The following SORCS1 variants were observed in gnomAD, a reference collection of about 807,000 sequenced individuals.
SORCS1 encodes sortilin related VPS10 domain containing receptor 1.
Under a neutral mutation model 146.1 loss-of-function variants are expected in SORCS1, and 60 were observed. That is an observed-to-expected ratio of 0.41 (90% CI 0.33 to 0.51). The LOEUF is 0.51. Ranked by LOEUF, SORCS1 falls within the 20% of genes least tolerant of loss-of-function variation. The pLI is 0.21. For synonymous variants in SORCS1, 637 were observed against 584.0 expected (o/e 1.09, Z -1.31); for missense variants, 1,352 against 1,487.6 (o/e 0.91, Z 1.50).
rs752000193 is a variant in SORCS1, at chr10:106,667,742, T to C, written c.2250A>G (p.Pro750=). 3.1e-5 allele frequency: 50 copies of C among 1,613,998 alleles called. No homozygotes were observed. Among genetic ancestry groups the C allele is most frequent in the Non-Finnish European group, 4.0e-5 (47 of 1,180,012 alleles). ...GQCLPAFWFN[P]SSLSKDCSLG... Reference sequence around the variant, plus strand: ...AGCTGCAATCCTTTGACAGAGAGGATGGATTGAACCAAAATGCCGGCAGGC... The same window carrying C: ...AGCTGCAATCCTTTGACAGAGAGGACGGATTGAACCAAAATGCCGGCAGGC... Residue 750 remains proline (P), a synonymous_variant, in exon 17 of 26, where the codon CCA becomes CCG. Coordinates refer to ENST00000263054, the MANE Select transcript of SORCS1 (RefSeq NM_052918.5).
intron 1 of SORCS1, among the ~76,000 whole-genome samples, chr10:107,138,585 T>G (rs2134695895): frequency 6.6e-6 from 1 of 152,350 alleles, no homozygotes; most frequent in South Asian, 2.1e-4. Flanking sequence ...CATTTACATT[T>G]TATTTCTCAT....
chr10:106,864,263 G>A (rs538909311), intron 2 of SORCS1, among the ~76,000 whole-genome samples: 1 of 152,246 alleles, frequency 6.6e-6, no homozygotes, highest in African/African-American at 2.4e-5. Flanking sequence ...AGAAAAGCAA[G>A]GCAGAATGAC....
intron 4 of SORCS1, among the ~76,000 whole-genome samples, chr10:106,772,291 G>C (rs1281840752): frequency 6.6e-6 from 1 of 152,066 alleles, no homozygotes; most frequent in Non-Finnish European, 1.5e-5. Context: ...CTTTGGACTT[G>C]GACCAGGACT....
intron 2 of SORCS1, among the ~76,000 whole-genome samples, chr10:106,943,731 A>T (rs1020520135): frequency 6.6e-6 from 1 of 151,798 alleles, no homozygotes; most frequent in South Asian, 2.1e-4. Context: ...AATGGCGTGA[A>T]CCCGGGAGGC....
intron 5 of SORCS1, 144 bp from the exon 6 acceptor site, chr10:106,730,258 T>A: frequency 1.5e-6 from 1 of 667,612 alleles, no homozygotes; most frequent in Non-Finnish European, 2.6e-6. Flanking sequence ...TCTATGTATT[T>A]ATACAGCCTG....
intron 1 of SORCS1, among the ~76,000 whole-genome samples, chr10:107,012,250 C>T (rs941455310): frequency 6.6e-6 from 1 of 152,120 alleles, no homozygotes; most frequent in Admixed American, 6.6e-5. Context: ...TCCCTCACAC[C>T]CTCTTCCCAT....
intron 3 of SORCS1, among the ~76,000 whole-genome samples, chr10:106,797,701 G>A (rs776616128): frequency 4.6e-5 from 7 of 152,052 alleles, no homozygotes; most frequent in Non-Finnish European, 7.4e-5. Flanking sequence ...GTCTATACCA[G>A]CCCCAGCAGA....
chr10:107,000,225 A>T (rs933748047), intron 1 of SORCS1, among the ~76,000 whole-genome samples: 1 of 152,246 alleles, frequency 6.6e-6, no homozygotes, highest in Admixed American at 6.5e-5. Flanking sequence ...CACACCCAGC[A>T]GTTGATGTCA....
intron 2 of SORCS1, among the ~76,000 whole-genome samples, chr10:106,900,410 C>T (rs1343317673): frequency 6.6e-6 from 1 of 152,144 alleles, no homozygotes; most frequent in Admixed American, 6.5e-5. Context: ...TGTGGCTTTT[C>T]TCTAGTTGCA....
intron 1 of SORCS1, among the ~76,000 whole-genome samples, chr10:106,999,932 A>G (rs1957148731): frequency 6.6e-6 from 1 of 152,098 alleles, no homozygotes; most frequent in South Asian, 2.1e-4. Context: ...TTTGGAAAAA[A>G]AAATCTCAGC....
At chr10:106,595,496 G>T (rs1845852139) in intron 24 of SORCS1, among the ~76,000 whole-genome samples, 1 of 151,968 alleles carries the variant, frequency 6.6e-6, no homozygotes, top group Non-Finnish European at 1.5e-5. Flanking sequence ...GCACACCCTG[G>T]CATGTTTCCA....
chr10:106,696,611 C>T (rs1182743632), intron 9 of SORCS1, among the ~76,000 whole-genome samples: 3 of 152,204 alleles, frequency 2.0e-5, no homozygotes, highest in African/African-American at 7.2e-5. Context: ...AGTTTCCCTA[C>T]AGATAGTCAA....
chr10:107,051,167 C>T (rs1175671994), intron 1 of SORCS1, among the ~76,000 whole-genome samples: 1 of 152,104 alleles, frequency 6.6e-6, no homozygotes, highest in African/African-American at 2.4e-5. Context: ...GATGGCAGCA[C>T]ACAAGTAAAT....
At chr10:106,593,931 CTAGT>C (rs756364050) in intron 24 of SORCS1, among the ~76,000 whole-genome samples, 27 of 152,336 alleles carry the variant, frequency 1.8e-4, no homozygotes, top group Admixed American at 1.3e-3. Context: ...TCCGAAACTC[CTAGT>C]TATAGAAAAA....
chr10:106,650,133 C>T (rs543024632), intron 18 of SORCS1, among the ~76,000 whole-genome samples: 1 of 152,252 alleles, frequency 6.6e-6, no homozygotes, highest in Non-Finnish European at 1.5e-5. Flanking sequence ...AAATGCCCAA[C>T]ATTTTATATG....
intron 1 of SORCS1, among the ~76,000 whole-genome samples, chr10:107,135,397 A>C (rs1169624036): frequency 6.6e-6 from 1 of 152,228 alleles, no homozygotes; most frequent in Non-Finnish European, 1.5e-5. Flanking sequence ...TTAAGCATTA[A>C]AGAGGCAAAA....
At chr10:106,777,775 C>T (rs1177106299) in intron 3 of SORCS1, among the ~76,000 whole-genome samples, 1 of 152,188 alleles carries the variant, frequency 6.6e-6, no homozygotes, top group African/African-American at 2.4e-5. Context: ...TCCCAACTCT[C>T]TGTGGGTCTT....
chr10:106,925,503 C>T (rs1251184656), intron 2 of SORCS1, among the ~76,000 whole-genome samples: 3 of 152,156 alleles, frequency 2.0e-5, no homozygotes, highest in African/African-American at 4.8e-5. Context: ...CTCAAGCTTG[C>T]TTACTGATAT....
At chr10:106,785,816 G>A (rs909843313) in intron 3 of SORCS1, among the ~76,000 whole-genome samples, 2 of 152,164 alleles carry the variant, frequency 1.3e-5, no homozygotes, top group East Asian at 3.9e-4. Flanking sequence ...TGGGCCTAGA[G>A]GGGGTCATCC....
Sources: gnomAD v4.1 joint callset for allele counts (sites outside exome capture counted in the v4.1 genomes callset) on GRCh38, gnomAD v4.1.1 for gene constraint, MANE v1.5 for transcripts, NCBI Gene and HGNC (gene_info 2026-07-23, HGNC 2026-07-21) for gene names.